Variants in CEP128 observed in about 807,000 individuals in gnomAD.
CEP128 encodes the protein centrosomal protein 128kDa.
Under a neutral mutation model 156.7 loss-of-function variants are expected in CEP128, and 132 were observed. The observed-to-expected ratio is 0.84, with a 90% CI of 0.73 to 0.97. The LOEUF is 0.97. Among genes scored for constraint, CEP128 ranks in the 50% least tolerant of loss-of-function variants. The probability of loss-of-function intolerance (pLI) is 0.00; values close to 1 mark genes in which losing one functional copy is unlikely to be tolerated. For synonymous variants in CEP128, 469 were observed against 448.9 expected (o/e 1.04, Z -0.57); for missense variants, 1,252 against 1,281.9 (o/e 0.98, Z 0.36).
At chr14:80,890,582 C>T (rs772090549) in intron 8 of CEP128, among the ~76,000 whole-genome samples, 1 of 152,122 alleles carries the variant, frequency 6.6e-6, no homozygotes, top group East Asian at 1.9e-4. Flanking sequence ...ACAATGAGAA[C>T]ACATGGACAC....
At chr14:80,818,570 T>C (rs1254159069) in intron 13 of CEP128, among the ~76,000 whole-genome samples, 1 of 152,206 alleles carries the variant, frequency 6.6e-6, no homozygotes, top group Non-Finnish European at 1.5e-5. Flanking sequence ...CATCTAGAGG[T>C]AGCTCAAGTT....
chr14:80,583,137 TTC>T (rs1052681990), intron 19 of CEP128, among the ~76,000 whole-genome samples: 2 of 152,130 alleles, frequency 1.3e-5, no homozygotes, highest in African/African-American at 4.8e-5. Context: ...TAAAATTATG[TTC>T]TCAGTTTTCT....
chr14:80,783,356 A>G (rs926111360), intron 15 of CEP128, among the ~76,000 whole-genome samples: 1 of 152,166 alleles, frequency 6.6e-6, no homozygotes, highest in Non-Finnish European at 1.5e-5. Flanking sequence ...CTGAGTTCAA[A>G]TCCTTTCCCT....
intron 19 of CEP128, among the ~76,000 whole-genome samples, chr14:80,645,987 T>C (rs561121263): frequency 2.6e-5 from 4 of 152,122 alleles, no homozygotes; most frequent in Non-Finnish European, 5.9e-5. Context: ...CATTGTATGA[T>C]ATTTAGAAAA....
intron 19 of CEP128, among the ~76,000 whole-genome samples, chr14:80,741,837 C>T (rs926474796): frequency 6.6e-6 from 1 of 152,030 alleles, no homozygotes; most frequent in Non-Finnish European, 1.5e-5. Flanking sequence ...CTGCCTTTCA[C>T]CTTCTCTATG....
At chr14:80,611,399 A>G (rs571983557) in intron 19 of CEP128, among the ~76,000 whole-genome samples, 2 of 152,182 alleles carry the variant, frequency 1.3e-5, no homozygotes, top group South Asian at 4.1e-4. Context: ...TGTACTATAG[A>G]TTATGGCCAA....
chr14:80,776,921 AT>A (rs1413941140), intron 16 of CEP128, among the ~76,000 whole-genome samples: 1 of 152,180 alleles, frequency 6.6e-6, no homozygotes, highest in Non-Finnish European at 1.5e-5. Flanking sequence ...ACTTCTAAAA[AT>A]ATTTATTATT....
chr14:80,950,748 G>A (rs2139658254), intron 2 of CEP128, among the ~76,000 whole-genome samples: 1 of 152,014 alleles, frequency 6.6e-6, no homozygotes, highest in East Asian at 1.9e-4. Context: ...GAGAAACAAT[G>A]GCTAAAAATT....
intron 19 of CEP128, among the ~76,000 whole-genome samples, chr14:80,707,824 T>C (rs944371055): frequency 1.2e-4 from 19 of 152,178 alleles, no homozygotes; most frequent in African/African-American, 3.4e-4. Context: ...AAAATCTAAT[T>C]TTTTTGCAAT....
intron 19 of CEP128, among the ~76,000 whole-genome samples, chr14:80,738,772 G>GA (rs990854777): frequency 5.3e-5 from 8 of 151,842 alleles, no homozygotes; most frequent in Admixed American, 3.3e-4. Flanking sequence ...GTATGTATAG[G>GA]AAAAAACAGT....
At chr14:80,527,541 C>T (rs1246406621) in intron 22 of CEP128, among the ~76,000 whole-genome samples, 10 of 152,106 alleles carry the variant, frequency 6.6e-5, no homozygotes, top group Non-Finnish European at 1.5e-4. Flanking sequence ...ACAACTAGTC[C>T]CTATGCCCAT....
chr14:80,784,823 T>G, intron 15 of CEP128, 72 bp downstream of exon 15: 2 of 1,264,184 alleles, frequency 1.6e-6, no homozygotes, highest in Non-Finnish European at 2.2e-6. Flanking sequence ...CTCTAAAAGT[T>G]TACGCTTTAT....
intron 23 of CEP128, among the ~76,000 whole-genome samples, chr14:80,523,335 A>G (rs1177016553): frequency 6.6e-6 from 1 of 152,196 alleles, no homozygotes; most frequent in African/African-American, 2.4e-5. Flanking sequence ...CTCTTTTCAA[A>G]AGACTCTTGA....
rs765582288 is a variant in CEP128 at position 80,914,423 on chromosome 14, T to C, written c.148-15A>G. On this transcript the variant is annotated splice_polypyrimidine_tract_variant and intron_variant, in intron 3 of 24. Transcript: ENST00000555265. ...CGACTGGTATCCTTGAGAAAGAAAATGGACTGAATTAATTATTCCAAATAC... is the reference window on the plus strand; with the variant it reads ...CGACTGGTATCCTTGAGAAAGAAAACGGACTGAATTAATTATTCCAAATAC... 1.9e-6 allele frequency: 3 copies of C among 1,585,566 alleles called. No individual in the cohort carries two copies. Among genetic ancestry groups the C allele is most frequent in the East Asian group, 2.2e-5 (1 of 44,706 alleles).
Position 80,504,948 on chromosome 14 carries a change from G to T in CEP128, c.3145C>A (p.Arg1049Ser). The change falls in exon 24 of 25, where the codon CGC becomes AGC. Residue 1049 changes from arginine to serine, a missense_variant. Arg to Ser is a moderately radical substitution (Grantham distance 110). Transcript: ENST00000555265. ...GAAAATCTTGGACTAGACAGGAAGCGACTGTGATCCTGCCAAGAGGATGAG... is the reference window on the plus strand; with the variant it reads ...GAAAATCTTGGACTAGACAGGAAGCTACTGTGATCCTGCCAAGAGGATGAG... ...DHSSSWQDHS[R>S]FLSSPRFSYV... 2.5e-6 allele frequency: 4 copies of T among 1,605,114 alleles called. No individual in the cohort carries two copies. In the South Asian group the frequency reaches 4.5e-5, roughly 18 times the overall value.
At chr14:80,756,985 TTTTTC>T (rs1899698408) in intron 17 of CEP128, 34 bp from the exon 18 acceptor site, 3 of 1,356,592 alleles carry the variant, frequency 2.2e-6, no homozygotes, top group Non-Finnish European at 3.1e-6. Flanking sequence ...TAGAAATACA[TTTTTC>T]TCTGACATAA....
chr14:80,556,447 G>T (rs901507009), intron 21 of CEP128, among the ~76,000 whole-genome samples: 1 of 152,068 alleles, frequency 6.6e-6, no homozygotes, highest in Non-Finnish European at 1.5e-5. Flanking sequence ...GACAGACCCT[G>T]GCAACGCATT....
chr14:80,624,407 G>A (rs759416006), intron 19 of CEP128, among the ~76,000 whole-genome samples: 1 of 152,030 alleles, frequency 6.6e-6, no homozygotes, highest in African/African-American at 2.4e-5. Flanking sequence ...GTACCTCTTC[G>A]ATATACTAAT....
chr14:80,538,556 A>T (rs1889591198), intron 21 of CEP128, among the ~76,000 whole-genome samples: 3 of 152,178 alleles, frequency 2.0e-5, no homozygotes, highest in Non-Finnish European at 4.4e-5. Context: ...ATTATGTTTT[A>T]TATTTGCTTT....
Sources: gnomAD v4.1 joint callset for allele counts (sites outside exome capture counted in the v4.1 genomes callset) on GRCh38, gnomAD v4.1.1 for gene constraint, MANE v1.5 for transcripts, NCBI Gene and HGNC (gene_info 2026-07-23, HGNC 2026-07-21) for gene names.